The following CHST8 variants were observed in gnomAD, a reference collection of about 807,000 sequenced individuals.
CHST8 encodes carbohydrate sulfotransferase 8.
Under a neutral mutation model 15.0 loss-of-function variants are expected in CHST8, and 10 were observed. That is an observed-to-expected ratio of 0.67 (90% CI 0.41 to 1.13). CHST8 has a LOEUF of 1.13. CHST8 is among the 50% of genes most tolerant of loss of function. The pLI is 0.00. For missense variants in CHST8, 634 were observed against 608.2 expected, an observed-to-expected ratio of 1.04 and a Z score of -0.45; for synonymous variants, 259 against 256.6, an observed-to-expected ratio of 1.01 and a Z score of -0.09.
intron 3 of CHST8, among the ~76,000 whole-genome samples, chr19:33,746,403 A>G (rs370279280): frequency 9.9e-5 from 15 of 151,960 alleles, no homozygotes; most frequent in East Asian, 5.8e-4. Flanking sequence ...CTAGAGATTC[A>G]TTTTGCCTGT....
At chr19:33,637,774 G>C (rs1351130813) in intron 1 of CHST8, among the ~76,000 whole-genome samples, 2 of 146,360 alleles carry the variant, frequency 1.4e-5, no homozygotes, top group African/African-American at 5.0e-5. Flanking sequence ...CAGGCAGGAG[G>C]ATCGCTTGAG....
At chr19:33,696,336 C>T (rs1435530573) in intron 3 of CHST8, among the ~76,000 whole-genome samples, 5 of 151,928 alleles carry the variant, frequency 3.3e-5, no homozygotes, top group African/African-American at 7.3e-5. Context: ...CCAACCCCTG[C>T]GTTAGGACCC....
chr19:33,694,729 A>C (rs770804641), intron 3 of CHST8, among the ~76,000 whole-genome samples: 2 of 151,982 alleles, frequency 1.3e-5, no homozygotes, highest in Non-Finnish European at 2.9e-5. Flanking sequence ...ACAGCTGTCC[A>C]CCACCACACC....
chr19:33,681,998 G>C (rs928864471), intron 2 of CHST8, among the ~76,000 whole-genome samples: 2 of 151,728 alleles, frequency 1.3e-5, no homozygotes, highest in East Asian at 1.9e-4. Flanking sequence ...TGGGATTACA[G>C]GTGGCTGCCA....
chr19:33,712,980 A>G (rs1973588556), intron 3 of CHST8, among the ~76,000 whole-genome samples: 3 of 152,268 alleles, frequency 2.0e-5, no homozygotes, highest in Middle Eastern at 3.4e-3. Flanking sequence ...AATGATGTAT[A>G]TGGAGGCTGG....
At chr19:33,674,627 G>C (rs959845057) in intron 2 of CHST8, among the ~76,000 whole-genome samples, 1 of 152,186 alleles carries the variant, frequency 6.6e-6, no homozygotes, top group African/African-American at 2.4e-5. Flanking sequence ...CTGAGGCGGA[G>C]AGCGGGCGGA....
At chr19:33,741,745 A>AC (rs949257138) in intron 3 of CHST8, among the ~76,000 whole-genome samples, 29 of 150,860 alleles carry the variant, frequency 1.9e-4, no homozygotes, top group Non-Finnish European at 3.7e-4. Flanking sequence ...TCTCTATGAG[A>AC]CCCCCAGGAA....
chr19:33,654,241 T>G (rs1416295558), intron 1 of CHST8, among the ~76,000 whole-genome samples: 1 of 152,200 alleles, frequency 6.6e-6, no homozygotes, highest in African/African-American at 2.4e-5. Context: ...TTCATGCCTG[T>G]TTTATTATTT....
intron 3 of CHST8, among the ~76,000 whole-genome samples, chr19:33,751,676 G>A (rs1431125436): frequency 6.6e-6 from 1 of 152,232 alleles, no homozygotes; most frequent in African/African-American, 2.4e-5. Flanking sequence ...CATGGAATCA[G>A]ACAGCTCGGG....
At position 33,772,880 on chromosome 19, in the gene CHST8, G is replaced by T; in HGVS notation, c.1092G>T (p.Ala364=). ...DANFFLSLIR[A]PRNLTFPRFK... ...ACTTCTTCCTGAGCCTCATCCGCGC[G>T]CCGCGGAACCTGACCTTCCCCCGGT... is the stretch of plus-strand genomic sequence containing the variant. Residue 364 remains alanine (A), a synonymous_variant, in exon 5 of 5, where the codon GCG becomes GCT. Coordinates refer to ENST00000650847, the MANE Select transcript of CHST8 (RefSeq NM_001127895.2). The T allele has an allele frequency of 6.2e-7, 1 of 1,613,478 alleles. No individual in the cohort carries two copies. Among genetic ancestry groups the T allele is most frequent in the South Asian group, 1.1e-5 (1 of 91,084 alleles).
intron 3 of CHST8, among the ~76,000 whole-genome samples, chr19:33,713,718 G>T (rs150472372): frequency 6.6e-6 from 1 of 152,014 alleles, no homozygotes; most frequent in African/African-American, 2.4e-5. Flanking sequence ...CTGCCACCAC[G>T]CCCGGCTAAT....
intron 3 of CHST8, among the ~76,000 whole-genome samples, chr19:33,701,573 T>G (rs1409410473): frequency 1.3e-5 from 2 of 152,148 alleles, no homozygotes; most frequent in Non-Finnish European, 2.9e-5. Flanking sequence ...AGAGTGAGAC[T>G]TATGTTTTAA....
At chr19:33,708,193 T>A (rs990248087) in intron 3 of CHST8, among the ~76,000 whole-genome samples, 2 of 152,234 alleles carry the variant, frequency 1.3e-5, no homozygotes, top group Admixed American at 1.3e-4. Flanking sequence ...TGTCTTTTCA[T>A]TTTCTTAATA....
intron 3 of CHST8, among the ~76,000 whole-genome samples, chr19:33,702,150 T>A (rs1973350995): frequency 6.6e-6 from 1 of 152,138 alleles, no homozygotes; most frequent in Non-Finnish European, 1.5e-5. Context: ...TATTTTGTAT[T>A]TTTAGTAAAG....
intron 3 of CHST8, among the ~76,000 whole-genome samples, chr19:33,698,397 A>C (rs559785169): frequency 7.8e-4 from 117 of 149,778 alleles, no homozygotes; most frequent in Middle Eastern, 3.4e-3. Flanking sequence ...AGAAAAAAAA[A>C]AAAAAGAAAG....
chr19:33,670,580 T>C (rs1249268764), intron 2 of CHST8, among the ~76,000 whole-genome samples: 3 of 152,180 alleles, frequency 2.0e-5, no homozygotes, highest in African/African-American at 4.8e-5. Flanking sequence ...TTTTCCCTTC[T>C]TGATGAATGC....
Position 33,772,625 on chromosome 19 carries a change from T to C in CHST8, c.837T>C (p.Tyr279=). 6.2e-7 allele frequency: 1 copy of C among 1,614,012 alleles called. No homozygotes were observed. The highest frequency in any genetic ancestry group is 1.3e-5 in the African/African-American group (1 of 75,056). The change falls in exon 5 of 5, where the codon TAT becomes TAC. Residue 279 remains tyrosine (Y), a synonymous_variant. Coordinates refer to ENST00000650847, the MANE Select transcript of CHST8 (RefSeq NM_001127895.2). ...AGTTTGAGCACCCCAACAGCTACTA[T>C]CACCCGGTCTTCGGCAAGGCCATCC... is the stretch of plus-strand genomic sequence containing the variant. The part of the protein sequence containing the change: ...RDKFEHPNSY[Y]HPVFGKAILA...
intron 2 of CHST8, among the ~76,000 whole-genome samples, chr19:33,670,280 C>T (rs952107489): frequency 2.0e-5 from 3 of 152,208 alleles, no homozygotes; most frequent in Admixed American, 2.0e-4. Context: ...ATTCAAATTG[C>T]ACACTGGGTT....
intron 3 of CHST8, among the ~76,000 whole-genome samples, chr19:33,699,132 G>A (rs949055462): frequency 1.3e-5 from 2 of 152,178 alleles, no homozygotes; most frequent in African/African-American, 4.8e-5. Flanking sequence ...CCATGCCTGG[G>A]TCCCTGGGCT....
Sources: gnomAD v4.1 joint callset for allele counts (sites outside exome capture counted in the v4.1 genomes callset) on GRCh38, gnomAD v4.1.1 for gene constraint, MANE v1.5 for transcripts, NCBI Gene and HGNC (gene_info 2026-07-23, HGNC 2026-07-21) for gene names.